EPB41L4A: variants seen among roughly 807,000 people sequenced by gnomAD.
EPB41L4A encodes the protein erythrocyte membrane protein band 4.1 like 4A.
A neutral mutation model predicts 108.6 loss-of-function variants in EPB41L4A; 100 were observed. The observed-to-expected ratio is 0.92, with a 90% CI of 0.78 to 1.09. EPB41L4A has a LOEUF of 1.09. EPB41L4A is among the 50% of genes least tolerant of loss of function. EPB41L4A has a pLI of 0.00. For missense variants in EPB41L4A, 1,030 were observed against 842.7 expected (o/e 1.22, Z -2.75); for synonymous variants, 319 against 289.0 (o/e 1.10, Z -1.05).
chr5:112,235,782 G>A (rs542675474), intron 11 of EPB41L4A, among the ~76,000 whole-genome samples: 6 of 152,250 alleles, frequency 3.9e-5, no homozygotes, highest in Admixed American at 2.0e-4. Context: ...AAGTTGGGAC[G>A]TGTGGTATCA....
chr5:112,340,394 A>C (rs932448374), intron 1 of EPB41L4A, among the ~76,000 whole-genome samples: 2 of 152,156 alleles, frequency 1.3e-5, no homozygotes, highest in Admixed American at 6.5e-5. Context: ...ATCCCAGAGG[A>C]TGCTGATGCT....
intron 17 of EPB41L4A, among the ~76,000 whole-genome samples, chr5:112,187,744 T>C (rs1761497764): frequency 6.6e-6 from 1 of 152,192 alleles, no homozygotes; most frequent in Non-Finnish European, 1.5e-5. Context: ...TAACAGAACC[T>C]TTCTTTACAT....
intron 18 of EPB41L4A, among the ~76,000 whole-genome samples, chr5:112,182,960 T>C (rs529998253): frequency 6.6e-6 from 1 of 152,348 alleles, no homozygotes; most frequent in African/African-American, 2.4e-5. Flanking sequence ...GCAGGTTTTC[T>C]ATTACAAAAG....
chr5:112,417,262 C>T (rs944044076), intron 1 of EPB41L4A, among the ~76,000 whole-genome samples: 4 of 152,180 alleles, frequency 2.6e-5, no homozygotes, highest in African/African-American at 4.8e-5. Flanking sequence ...GATCCCAAGT[C>T]CTGGCTGCTC....
chr5:112,290,835 A>T (rs4455607), intron 2 of EPB41L4A, among the ~76,000 whole-genome samples: 1 of 151,906 alleles, frequency 6.6e-6, no homozygotes, highest in Non-Finnish European at 1.5e-5. Context: ...AGGGAGCTGC[A>T]AAGTAAGCAG....
chr5:112,161,546 T>A (rs1454413264), downstream of EPB41L4A: 1 of 519,228 alleles, frequency 1.9e-6, no homozygotes, highest in Non-Finnish European at 3.8e-6. Context: ...AAGGCGTAAA[T>A]TAAACGCTTT....
At chr5:112,274,139 G>C (rs1000026637) in intron 4 of EPB41L4A, among the ~76,000 whole-genome samples, 8 of 151,976 alleles carry the variant, frequency 5.3e-5, no homozygotes, top group African/African-American at 1.9e-4. Context: ...TATTAGCTAG[G>C]TGTAGTGGCA....
At chr5:112,189,691 C>G (rs140247382) in intron 17 of EPB41L4A, among the ~76,000 whole-genome samples, 51 of 152,236 alleles carry the variant, frequency 3.4e-4, no homozygotes, top group African/African-American at 1.2e-3. Context: ...AAAAAACGCA[C>G]CAGACTATCT....
chr5:112,280,713 T>A (rs557561883), intron 2 of EPB41L4A, among the ~76,000 whole-genome samples: 38 of 152,246 alleles, frequency 2.5e-4, no homozygotes, highest in Non-Finnish European at 2.1e-4. Flanking sequence ...CAGTACTTGC[T>A]GGGTCCCTGG....
chr5:112,296,765 C>G (rs1333365338), intron 2 of EPB41L4A, among the ~76,000 whole-genome samples: 1 of 152,028 alleles, frequency 6.6e-6, no homozygotes, highest in East Asian at 1.9e-4. Context: ...CCTTCCTACC[C>G]CTTCCCTCCC....
intron 9 of EPB41L4A, among the ~76,000 whole-genome samples, chr5:112,250,320 A>G (rs1297492306): frequency 2.6e-5 from 4 of 152,200 alleles, no homozygotes; most frequent in African/African-American, 7.2e-5. Flanking sequence ...TAAACTTTGA[A>G]AACTATCATG....
intron 22 of EPB41L4A, among the ~76,000 whole-genome samples, chr5:112,166,081 G>A (rs962374077): frequency 6.6e-6 from 1 of 152,172 alleles, no homozygotes; most frequent in African/African-American, 2.4e-5. Flanking sequence ...CCTGAAATAA[G>A]TACTATGTTG....
At chr5:112,286,400 T>C (rs1375982602) in intron 2 of EPB41L4A, among the ~76,000 whole-genome samples, 3 of 152,156 alleles carry the variant, frequency 2.0e-5, no homozygotes, top group African/African-American at 7.2e-5. Context: ...AAGGGAACCC[T>C]TGGTATCACG....
At chr5:112,250,028 T>C (rs1750546300) in intron 9 of EPB41L4A, among the ~76,000 whole-genome samples, 1 of 152,210 alleles carries the variant, frequency 6.6e-6, no homozygotes, top group Non-Finnish European at 1.5e-5. Context: ...CACACATTTT[T>C]TTAAAAAATT....
chr5:112,329,776 T>C (rs1026614793), intron 1 of EPB41L4A, among the ~76,000 whole-genome samples: 17 of 151,976 alleles, frequency 1.1e-4, no homozygotes, highest in Non-Finnish European at 2.5e-4. Flanking sequence ...ACCTAAGCCA[T>C]TGTGGGGGAA....
intron 12 of EPB41L4A, among the ~76,000 whole-genome samples, chr5:112,221,854 A>C (rs540950144): frequency 1.2e-4 from 18 of 152,312 alleles, no homozygotes; most frequent in African/African-American, 4.1e-4. Flanking sequence ...AATGCTAAAC[A>C]CTCCCAAGAA....
chr5:112,296,136 C>T (rs1056496926), intron 2 of EPB41L4A, among the ~76,000 whole-genome samples: 2 of 152,008 alleles, frequency 1.3e-5, no homozygotes, highest in South Asian at 4.1e-4. Context: ...ATCTGCAATT[C>T]TAAGATTCTG....
intron 9 of EPB41L4A, among the ~76,000 whole-genome samples, chr5:112,244,295 T>C (rs1750034037): frequency 6.6e-6 from 1 of 152,302 alleles, no homozygotes. Flanking sequence ...TAGATGCAGT[T>C]TGTGGCACCC....
intron 1 of EPB41L4A, among the ~76,000 whole-genome samples, chr5:112,309,078 C>T (rs1399052430): frequency 6.6e-6 from 1 of 152,132 alleles, no homozygotes; most frequent in East Asian, 1.9e-4. Flanking sequence ...TTTACTTATA[C>T]TTAGCTCTTC....
Sources: gnomAD v4.1 joint callset for allele counts (sites outside exome capture counted in the v4.1 genomes callset) on GRCh38, gnomAD v4.1.1 for gene constraint, MANE v1.5 for transcripts, NCBI Gene and HGNC (gene_info 2026-07-23, HGNC 2026-07-21) for gene names.